The following WWTR1 variants were observed in gnomAD, a reference collection of about 807,000 sequenced individuals.
The protein encoded by WWTR1 is WW domain-containing transcription regulator protein 1.
A neutral mutation model predicts 40.1 loss-of-function variants in WWTR1; 13 were observed. That is an observed-to-expected ratio of 0.32 (90% confidence interval 0.21 to 0.52). WWTR1 has a LOEUF of 0.52. Among genes scored for constraint, WWTR1 ranks in the 20% least tolerant of loss-of-function variants. The pLI, the probability that WWTR1 is intolerant of heterozygous loss-of-function variation, is 0.97. For missense variants in WWTR1, 436 were observed against 523.1 expected, an observed-to-expected ratio of 0.83 and a Z score of 1.63; for synonymous variants, 230 against 210.1, an observed-to-expected ratio of 1.09 and a Z score of -0.82.
At chr3:149,560,174 G>A (rs1737023696) in intron 3 of WWTR1, among the ~76,000 whole-genome samples, 2 of 152,222 alleles carry the variant, frequency 1.3e-5, no homozygotes. Context: ...GAAGGCACCA[G>A]TGAATGCAAA....
chr3:149,684,522 T>C (rs1714566838), intron 1 of WWTR1, among the ~76,000 whole-genome samples: 1 of 152,096 alleles, frequency 6.6e-6, no homozygotes, highest in Admixed American at 6.6e-5. Context: ...TCTCAGTCTA[T>C]GTGATCCTTC....
chr3:149,622,804 C>A (rs990079075), intron 2 of WWTR1, among the ~76,000 whole-genome samples: 1 of 152,090 alleles, frequency 6.6e-6, no homozygotes, highest in Non-Finnish European at 1.5e-5. Flanking sequence ...GGAGAAGGAT[C>A]ACTTGAGCCC....
chr3:149,671,025 G>C (rs1367463105), intron 1 of WWTR1: 1 of 152,114 alleles, frequency 6.6e-6, no homozygotes, highest in Non-Finnish European at 1.5e-5. Context: ...GTCTGTCCTG[G>C]GAAGAAATGA....
chr3:149,560,963 C>T (rs1455508408), intron 3 of WWTR1, among the ~76,000 whole-genome samples: 1 of 151,732 alleles, frequency 6.6e-6, no homozygotes, highest in East Asian at 1.9e-4. Context: ...AACACCCCCC[C>T]CCGCAAAAAA....
intron 3 of WWTR1, among the ~76,000 whole-genome samples, chr3:149,570,940 A>G (rs1372800632): frequency 1.3e-5 from 2 of 152,234 alleles, no homozygotes; most frequent in Non-Finnish European, 2.9e-5. Context: ...TAACAACCTA[A>G]ATATCTACCA....
At chr3:149,662,177 T>TA (rs113524876), upstream of WWTR1, among the ~76,000 whole-genome samples, 4,347 of 150,554 alleles carry the variant, frequency 0.029, 199 homozygotes, top group African/African-American at 0.099. Context: ...GAAACCATGT[T>TA]AAAAAAAAAC....
At chr3:149,604,535 G>T (rs563301770) in intron 2 of WWTR1, among the ~76,000 whole-genome samples, 111 of 152,330 alleles carry the variant, frequency 7.3e-4, no homozygotes, top group Non-Finnish European at 1.1e-3. Context: ...AAAGAGCCCT[G>T]GGACTTCCAG....
chr3:149,601,439 C>G (rs534559913), intron 2 of WWTR1, among the ~76,000 whole-genome samples: 1 of 152,290 alleles, frequency 6.6e-6, no homozygotes, highest in South Asian at 2.1e-4. Context: ...CTCAAGTGAT[C>G]CACCTGCCTC....
At chr3:149,522,352 G>C (rs1317401923) in intron 6 of WWTR1, among the ~76,000 whole-genome samples, 2 of 152,072 alleles carry the variant, frequency 1.3e-5, no homozygotes, top group Non-Finnish European at 2.9e-5. Context: ...CATCCAATTT[G>C]GATTTTGGTG....
chr3:149,612,190 T>G (rs1366278158), intron 2 of WWTR1, among the ~76,000 whole-genome samples: 1 of 152,168 alleles, frequency 6.6e-6, no homozygotes, highest in Non-Finnish European at 1.5e-5. Context: ...GAATGCTTTT[T>G]TGGGGCATAT....
chr3:149,529,559 CTG>C (rs1180249037), intron 4 of WWTR1, among the ~76,000 whole-genome samples: 38 of 151,718 alleles, frequency 2.5e-4, no homozygotes, highest in Admixed American at 2.5e-3. Context: ...AAACCAAAAA[CTG>C]GAGATTTTTT....
intron 1 of WWTR1, among the ~76,000 whole-genome samples, chr3:149,690,381 T>C (rs1447353508): frequency 6.6e-6 from 1 of 151,888 alleles, no homozygotes; most frequent in Non-Finnish European, 1.5e-5. Flanking sequence ...AAACACACTT[T>C]ACCTATAAAG....
chr3:149,535,735 T>A (rs1735798813), intron 4 of WWTR1, among the ~76,000 whole-genome samples: 1 of 148,848 alleles, frequency 6.7e-6, no homozygotes, highest in South Asian at 2.1e-4. Flanking sequence ...GGCTGAGGCC[T>A]GGTGCAGTGG....
chr3:149,696,407 C>T (rs2108218735), intron 1 of WWTR1, among the ~76,000 whole-genome samples: 1 of 152,304 alleles, frequency 6.6e-6, no homozygotes, highest in Non-Finnish European at 1.5e-5. Flanking sequence ...TACAGGAATT[C>T]TCTTTTAGTT....
At chr3:149,638,585 T>G (rs897187677) in intron 2 of WWTR1, among the ~76,000 whole-genome samples, 3 of 152,178 alleles carry the variant, frequency 2.0e-5, no homozygotes, top group Non-Finnish European at 2.9e-5. Context: ...CTGACTCGCT[T>G]GGCCTGTTTC....
At chr3:149,642,002 A>G (rs1490837928) in intron 2 of WWTR1, among the ~76,000 whole-genome samples, 1 of 152,246 alleles carries the variant, frequency 6.6e-6, no homozygotes, top group Non-Finnish European at 1.5e-5. Flanking sequence ...TAGGTAAAAA[A>G]GAGATGTTTT....
Position 149,636,966 on chromosome 3 carries a change from GA to G in WWTR1, c.431+19909del, listed in dbSNP as rs397950107. Among the ~76,000 whole-genome samples, 245 of 43,294 alleles carry G rather than the reference GA, an allele frequency of 5.7e-3. 1 individual carries two copies. The highest frequency in any genetic ancestry group is 0.026 in the East Asian group (31 of 1,196). The allele number at this position is 43,294 out of a possible 152,430, so 28.4% of individuals were successfully genotyped here. On this transcript the variant is annotated intron_variant, in intron 2 of 6. Transcript: ENST00000360632. ...GCGACAGAGCAAGACTGTCTCAAGT[GA>G]AAAAAAAAAAAAAAAAAAAAAAAGA...
At chr3:149,718,400 C>G (rs1715664535) in intron 4 of WWTR1, among the ~76,000 whole-genome samples, 1 of 152,256 alleles carries the variant, frequency 6.6e-6, no homozygotes, top group Non-Finnish European at 1.5e-5. Flanking sequence ...ACAGGCTCAA[C>G]AGCTCACAGG....
rs79087314 is a variant in WWTR1 at position 149,700,093 on chromosome 3, G to A, written c.-108+3031C>T. 6.9e-3 allele frequency among the ~76,000 whole-genome samples: 1,047 copies of A among 152,328 alleles called. 13 individuals carry two copies. Among genetic ancestry groups the A allele is most frequent in the African/African-American group, 0.024 (1,016 of 41,574 alleles). On this transcript the variant is annotated intron_variant, in intron 1 of 7. Transcript: ENST00000465804. ...CTGGTGAGGGCTTCAGGAACTTTTG[G>A]TTATGGCAGAAGGCAAAGTGGGAGC...
Sources: gnomAD v4.1 joint callset for allele counts (sites outside exome capture counted in the v4.1 genomes callset) on GRCh38, gnomAD v4.1.1 for gene constraint, MANE v1.5 for transcripts, NCBI Gene and HGNC (gene_info 2026-07-23, HGNC 2026-07-21) for gene names.